CRYL1: variants seen among roughly 807,000 people sequenced by gnomAD.
CRYL1 encodes lambda-crystallin homolog.
CRYL1 carries 29 observed loss-of-function variants against 36.6 expected under a neutral mutation model. The observed-to-expected ratio is 0.79, with a 90% CI of 0.59 to 1.08. The LOEUF (loss-of-function observed/expected upper bound fraction) is 1.08. Among genes scored for constraint, CRYL1 ranks in the 50% least tolerant of loss-of-function variants. The pLI, the probability that CRYL1 is intolerant of heterozygous loss-of-function variation, is 0.00. For missense variants in CRYL1, 411 were observed against 407.9 expected (o/e 1.01, Z -0.06); for synonymous variants, 152 against 151.5 (o/e 1.00, Z -0.02).
At chr13:20,496,218 G>C (rs1346144107) in intron 2 of CRYL1, among the ~76,000 whole-genome samples, 2 of 152,224 alleles carry the variant, frequency 1.3e-5, no homozygotes, top group Non-Finnish European at 2.9e-5. Context: ...CACAGTGACA[G>C]AAAGTAGAAT....
At chr13:20,414,387 G>A (rs547840082) in intron 5 of CRYL1, among the ~76,000 whole-genome samples, 2 of 152,022 alleles carry the variant, frequency 1.3e-5, no homozygotes, top group Admixed American at 1.3e-4. Flanking sequence ...CCTACGGACC[G>A]CCTGCAGCTG....
chr13:20,416,505 C>G (rs117228561), intron 5 of CRYL1, among the ~76,000 whole-genome samples: 1 of 152,152 alleles, frequency 6.6e-6, no homozygotes, highest in African/African-American at 2.4e-5. Flanking sequence ...CCCCTCGCAC[C>G]CCCGTGGGCT....
At position 20,435,803 on chromosome 13, in the gene CRYL1, C is replaced by CTGA. The variant is rs2032200311; in HGVS notation, c.439-3508_439-3507insTCA. On this transcript the variant is annotated intron_variant, in intron 4 of 7. Coordinates refer to ENST00000298248, the MANE Select transcript of CRYL1 (RefSeq NM_015974.3). The surrounding 1 kb of genome is among the most constrained non-coding windows in gnomAD (Gnocchi z 4.0). ...CAGCGCGGCTGCCCACAGAGACTCC[C>CTGA]TTCACCCCCGCTCCGGGAGCAACCA... Among the ~76,000 whole-genome samples, 1 of 152,202 alleles carries CTGA rather than the reference C, an allele frequency of 6.6e-6. No individual in the cohort carries two copies. Among genetic ancestry groups the CTGA allele is most frequent in the Admixed American group, 6.5e-5 (1 of 15,292 alleles).
Position 20,517,070 on chromosome 13 carries a change from C to A in CRYL1, c.42-4520G>T, listed in dbSNP as rs531182438. 8.5e-4 allele frequency among the ~76,000 whole-genome samples: 129 copies of A among 152,122 alleles called. 1 individual carries two copies. The South Asian group carries it at 0.023, about 28-fold the overall frequency. The stretch of plus-strand genomic sequence containing the variant: ...TACTCCAGCCTCAGACAGAGCAAGA[C>A]CCTGTATAAAAAAGAAGGTAATCTT... On this transcript the variant is annotated intron_variant, in intron 1 of 7. Coordinates refer to ENST00000298248, the MANE Select transcript of CRYL1 (RefSeq NM_015974.3).
At chr13:20,497,871 C>T (rs2033640913) in intron 2 of CRYL1, among the ~76,000 whole-genome samples, 1 of 151,630 alleles carries the variant, frequency 6.6e-6, no homozygotes, top group African/African-American at 2.4e-5. Context: ...ACCATATATA[C>T]ACAGTACAAT....
intron 3 of CRYL1, among the ~76,000 whole-genome samples, chr13:20,442,239 C>T (rs1022045396): frequency 6.6e-6 from 1 of 152,190 alleles, no homozygotes; most frequent in Non-Finnish European, 1.5e-5. Flanking sequence ...GGCAAGAAAA[C>T]CTGAACCAGA....
intron 1 of CRYL1, among the ~76,000 whole-genome samples, chr13:20,517,146 C>T (rs964022532): frequency 1.3e-5 from 2 of 152,154 alleles, no homozygotes; most frequent in African/African-American, 4.8e-5. Flanking sequence ...TGGGACAAAA[C>T]TCTGAAAAAA....
At chr13:20,451,141 A>G (rs2032563557) in intron 3 of CRYL1, among the ~76,000 whole-genome samples, 1 of 152,062 alleles carries the variant, frequency 6.6e-6, no homozygotes, top group African/African-American at 2.4e-5. Flanking sequence ...GCACACCAAC[A>G]TGGCACATGT....
At chr13:20,484,108 G>A (rs1357692328) in intron 3 of CRYL1, among the ~76,000 whole-genome samples, 6 of 152,174 alleles carry the variant, frequency 3.9e-5, no homozygotes, top group Admixed American at 6.5e-5. Flanking sequence ...GAGCCACCGC[G>A]CCTGGCCAAA....
At chr13:20,465,900 G>T (rs539765923) in intron 3 of CRYL1, among the ~76,000 whole-genome samples, 1 of 151,780 alleles carries the variant, frequency 6.6e-6, no homozygotes, top group African/African-American at 2.4e-5. Context: ...CCTGGAGGGG[G>T]GCTATGAATG....
At chr13:20,426,814 AG>A in intron 5 of CRYL1, 1 of 985,490 alleles carries the variant, frequency 1.0e-6, no homozygotes, top group Non-Finnish European at 1.2e-6. Context: ...CTGGAATCTC[AG>A]GGCCCCATCC....
intron 1 of CRYL1, among the ~76,000 whole-genome samples, chr13:20,522,225 CTGTAG>C (rs2034108947): frequency 6.6e-5 from 10 of 152,060 alleles, no homozygotes; most frequent in Admixed American, 6.6e-4. Context: ...TGGTTCGTGC[CTGTAG>C]TCCCAACTAC....
intron 3 of CRYL1, among the ~76,000 whole-genome samples, chr13:20,441,195 T>A (rs541703667): frequency 1.4e-4 from 22 of 152,252 alleles, no homozygotes; most frequent in Middle Eastern, 3.4e-3. Context: ...GGAGAATGAC[T>A]CTCAGTGTGG....
At chr13:20,474,862 T>G (rs1246569279) in intron 3 of CRYL1, among the ~76,000 whole-genome samples, 1 of 152,094 alleles carries the variant, frequency 6.6e-6, no homozygotes, top group East Asian at 1.9e-4. Flanking sequence ...CATTTGGCCT[T>G]AACAATCTTG....
At chr13:20,419,429 A>G (rs2031747993) in intron 5 of CRYL1, among the ~76,000 whole-genome samples, 2 of 152,130 alleles carry the variant, frequency 1.3e-5, no homozygotes, top group South Asian at 4.1e-4. Context: ...AATAGCTGGG[A>G]TTACAGGCAT....
At chr13:20,430,182 C>T in intron 5 of CRYL1, 3 of 984,338 alleles carry the variant, frequency 3.0e-6, no homozygotes, top group African/African-American at 1.7e-5. Flanking sequence ...GTAGATAATC[C>T]TTATTTTTAG....
intron 2 of CRYL1, chr13:20,502,428 G>A (rs1027946764): frequency 3.3e-5 from 5 of 152,224 alleles, no homozygotes; most frequent in Non-Finnish European, 5.9e-5. Flanking sequence ...CGAGGTGGGT[G>A]GATCACGACA....
intron 2 of CRYL1, among the ~76,000 whole-genome samples, chr13:20,508,376 G>GA (rs1375440771): frequency 2.6e-5 from 4 of 152,158 alleles, no homozygotes; most frequent in Non-Finnish European, 4.4e-5. Flanking sequence ...AATAAAAGAT[G>GA]AATTTAATTA....
At chr13:20,428,105 A>G (rs6490571) in intron 5 of CRYL1, among the ~76,000 whole-genome samples, 88,317 of 152,098 alleles carry the variant, frequency 0.58, 26,267 homozygotes, top group African/African-American at 0.72. Context: ...AAATGAATTA[A>G]CAAAAAGTAC....
Sources: allele counts gnomAD v4.1 joint callset (sites outside exome capture counted in the v4.1 genomes callset), GRCh38; gene constraint gnomAD v4.1.1; non-coding constraint Gnocchi (gnomAD v3.1); transcripts MANE v1.5; gene names NCBI Gene and HGNC (gene_info 2026-07-23, HGNC 2026-07-21).